ARL9: variants seen among roughly 807,000 people sequenced by gnomAD.
The protein encoded by ARL9 is ARF like GTPase 9.
ARL9 carries 14 observed loss-of-function variants against 27.0 expected under a neutral mutation model. That is an observed-to-expected ratio of 0.52 (90% CI 0.34 to 0.81). The LOEUF (loss-of-function observed/expected upper bound fraction) is 0.81. Ranked by LOEUF, ARL9 falls within the 30% of genes least tolerant of loss-of-function variation. The pLI is 0.01. For synonymous variants in ARL9, 106 were observed against 108.7 expected (o/e 0.98, Z 0.15); for missense variants, 294 against 290.0 (o/e 1.01, Z -0.10).
chr4:56,505,792 CA>C lies in ARL9; in HGVS notation c.-70del. 1 of 1,335,506 alleles carries C rather than the reference CA, an allele frequency of 7.5e-7. No homozygotes were observed. Among genetic ancestry groups the C allele is most frequent in the Non-Finnish European group, 9.6e-7 (1 of 1,047,008 alleles). The allele number at this position is 1,335,506 out of a possible 1,614,324, so 82.7% of individuals were successfully genotyped here. A position where few individuals can be genotyped will look rare whatever the true frequency, so the allele number is the denominator to read the frequency against. ...TGTCGGGCGTGCACCTCGGGAGCCACACCTGGGGCCCAGAGCCACCGCTCAG... is the reference window on the plus strand; with the variant it reads ...TGTCGGGCGTGCACCTCGGGAGCCACCCTGGGGCCCAGAGCCACCGCTCAG... On this transcript the variant is annotated 5_prime_UTR_variant, in exon 1 of 4. Coordinates refer to ENST00000640821, the MANE Select transcript of ARL9 (RefSeq NM_001363794.2).
chr4:56,521,966 C>G (rs886119252), intron 3 of ARL9, among the ~76,000 whole-genome samples: 1 of 151,710 alleles, frequency 6.6e-6, no homozygotes, highest in Non-Finnish European at 1.5e-5. Flanking sequence ...CTTCCCTCCC[C>G]TCCACTCCTC....
chr4:56,516,990 T>C lies in ARL9; in HGVS notation c.443-1688T>C, dbSNP rs1447252868. On this transcript the variant is annotated intron_variant, in intron 2 of 3. Transcript: ENST00000640821. ...GATGTAGAGGAAACTTACTGGCTAT[T>C]AGCTGTTGGCAGAGTGTGTATTGGT... 2.0e-5 allele frequency among the ~76,000 whole-genome samples: 3 copies of C among 152,210 alleles called. No homozygotes were observed. The East Asian group carries it at 5.8e-4, about 29-fold the overall frequency.
chr4:56,524,028 T>TC lies in ARL9; in HGVS notation c.*152_*153insC. ...GTATATAGTTAGCCCTCCATATCCA[T>TC]GGGTTCCACATCTGGGGATTCAAGA... On this transcript the variant is annotated 3_prime_UTR_variant, in exon 4 of 4. Coordinates refer to ENST00000640821, the MANE Select transcript of ARL9 (RefSeq NM_001363794.2). 1 of 590,706 alleles carries TC rather than the reference T, an allele frequency of 1.7e-6. No individual in the cohort carries two copies. The highest frequency in any genetic ancestry group is 4.9e-4 in the Middle Eastern group (1 of 2,044). The allele number at this position is 590,706 out of a possible 1,614,324, so 36.6% of individuals were successfully genotyped here. A position where few individuals can be genotyped will look rare whatever the true frequency, so the allele number is the denominator to read the frequency against.
At chr4:56,516,462 A>G (rs1223932799) in intron 2 of ARL9, among the ~76,000 whole-genome samples, 1 of 152,078 alleles carries the variant, frequency 6.6e-6, no homozygotes, top group African/African-American at 2.4e-5. Flanking sequence ...ATATATAAAG[A>G]ACTCCTACAA....
At chr4:56,516,698 A>G (rs192662758) in intron 2 of ARL9, among the ~76,000 whole-genome samples, 90 of 152,286 alleles carry the variant, frequency 5.9e-4, no homozygotes, top group African/African-American at 2.1e-3. Flanking sequence ...TGGGAAGCCA[A>G]GGTGGGTGGA....
rs1272269311 is a variant in ARL9 at position 56,524,221 on chromosome 4, G to A, written c.*345G>A. On this transcript the variant is annotated 3_prime_UTR_variant, in exon 4 of 4. Transcript: ENST00000640821. ...TGATTTAAAATACACGAGTAGAAGT[G>A]TGTAGGTTATATGTAAATATGCCAT... 1 of 177,766 alleles carries A rather than the reference G, an allele frequency of 5.6e-6. No individual in the cohort carries two copies. The highest frequency in any genetic ancestry group is 2.4e-5 in the African/African-American group (1 of 42,452). 11.0% of individuals were successfully genotyped at this position (177,766 alleles called of 1,614,324 possible). A position where few individuals can be genotyped will look rare whatever the true frequency, so the allele number is the denominator to read the frequency against.
At chr4:56,521,159 C>T (rs931985210) in intron 3 of ARL9, among the ~76,000 whole-genome samples, 2 of 150,498 alleles carry the variant, frequency 1.3e-5, no homozygotes, top group Non-Finnish European at 2.9e-5. Flanking sequence ...TGCAGTGAGC[C>T]GAGGTCGTGC....
intron 3 of ARL9, among the ~76,000 whole-genome samples, chr4:56,520,234 C>T (rs1426249417): frequency 6.6e-6 from 1 of 152,170 alleles, no homozygotes; most frequent in Non-Finnish European, 1.5e-5. Context: ...AACTTTTGGC[C>T]TCAAGTGATC....
At position 56,511,320 on chromosome 4, in the gene ARL9, G is replaced by A. The variant is rs1216612231; in HGVS notation, c.415G>A (p.Glu139Lys). ...TTTCCATGCAGTTTGCATCAACACT[G>A]AAGACAGCCAGATGGAGTTCCTGGA... ...QGFHAVCINT[E>K]DSQMEFLEIG... Residue 139 changes from glutamate (E) to lysine (K), a missense_variant, in exon 2 of 4, where the codon GAA becomes AAA. Transcript: ENST00000640821. The A allele has an allele frequency of 3.1e-6, 5 of 1,613,484 alleles. No homozygotes were observed. In the Admixed American group the frequency reaches 8.3e-5, roughly 27 times the overall value.
Position 56,523,913 on chromosome 4 carries a change from T to G in ARL9, c.*37T>G. 1 of 1,563,298 alleles carries G rather than the reference T, an allele frequency of 6.4e-7. No individual in the cohort carries two copies. Among genetic ancestry groups the G allele is most frequent in the African/African-American group, 1.4e-5 (1 of 73,378 alleles). ...CCCACTGTGCGGCTCACGACTGAGA[T>G]GTCATCAGTGTTGAATGGCAGGCTT... On this transcript the variant is annotated 3_prime_UTR_variant, in exon 4 of 4. Coordinates refer to ENST00000640821, the MANE Select transcript of ARL9 (RefSeq NM_001363794.2).
intron 1 of ARL9, among the ~76,000 whole-genome samples, chr4:56,509,022 C>G (rs973895699): frequency 6.6e-6 from 1 of 152,064 alleles, no homozygotes; most frequent in Non-Finnish European, 1.5e-5. Flanking sequence ...TTCCTATGAG[C>G]AGTCTGGCTA....
At chr4:56,518,621 G>C (rs1721829150) in intron 2 of ARL9, 57 bp from the exon 3 acceptor site, 1 of 1,500,138 alleles carries the variant, frequency 6.7e-7, no homozygotes, top group Admixed American at 1.8e-5. Flanking sequence ...TGCTCCCTGG[G>C]TGGGTGCTTC....
chr4:56,507,586 A>AT (rs539224683), intron 1 of ARL9, among the ~76,000 whole-genome samples: 191 of 149,094 alleles, frequency 1.3e-3, no homozygotes, highest in Non-Finnish European at 1.7e-3. Flanking sequence ...AAGTGCTGGG[A>AT]TTACAGGCAT....
At position 56,518,770 on chromosome 4, in the gene ARL9, C is replaced by G. The variant is rs200994703; in HGVS notation, c.535C>G (p.Arg179Gly). 30 of 1,613,878 alleles carry G rather than the reference C, an allele frequency of 1.9e-5. No individual in the cohort carries two copies. The highest frequency in any genetic ancestry group is 2.5e-5 in the Non-Finnish European group (30 of 1,179,852). The change falls in exon 3 of 4, where the codon CGA (arginine) becomes GGA (glycine). Residue 179 changes from arginine to glycine, a missense_variant. Arg to Gly is a moderately radical substitution (Grantham distance 125). Coordinates refer to ENST00000640821, the MANE Select transcript of ARL9 (RefSeq NM_001363794.2). The stretch of plus-strand genomic sequence containing the variant: ...TGTGGTGGATTCAGCAGATCACAGC[C>G]GATTACCTGAAGCCAAGAAATACCT... ...IFVVDSADHS[R>G]LPEAKKYLHQ...
intron 3 of ARL9, among the ~76,000 whole-genome samples, chr4:56,520,077 A>T (rs1047791701): frequency 6.6e-6 from 1 of 152,006 alleles, no homozygotes; most frequent in African/African-American, 2.4e-5. Context: ...ATTTCGGCTA[A>T]CCACAACCTC....
At chr4:56,509,866 C>T (rs1353173787) in intron 1 of ARL9, among the ~76,000 whole-genome samples, 2 of 151,860 alleles carry the variant, frequency 1.3e-5, no homozygotes, top group Non-Finnish European at 2.9e-5. Flanking sequence ...TGCCACCACG[C>T]CTGGCTAATT....
In ARL9 at chr4:56,511,223, A is replaced by G. The variant is rs761721570; in HGVS notation, c.318A>G (p.Gly106=). 2.7e-5 allele frequency: 44 copies of G among 1,611,262 alleles called. No individual in the cohort carries two copies. In the South Asian group the frequency reaches 4.1e-4, roughly 15 times the overall value. ...NKQILVLGLD[G]AGKTSVLHSL... ...AAATCCTAGTGCTGGGCCTGGATGGAGCAGGAAAAACCAGTGTCCTGCACT... is the reference window on the plus strand; with the variant it reads ...AAATCCTAGTGCTGGGCCTGGATGGGGCAGGAAAAACCAGTGTCCTGCACT... The change falls in exon 2 of 4, where the codon GGA becomes GGG. Residue 106 remains glycine, a synonymous_variant. Coordinates refer to ENST00000640821, the MANE Select transcript of ARL9 (RefSeq NM_001363794.2).
Position 56,505,921 on chromosome 4 carries a change from T to A in ARL9, c.59T>A (p.Ile20Asn). 1 of 1,239,280 alleles carries A rather than the reference T, an allele frequency of 8.1e-7. No homozygotes were observed. Among genetic ancestry groups the A allele is most frequent in the Admixed American group, 4.0e-5 (1 of 25,294 alleles). The allele number at this position is 1,239,280 out of a possible 1,614,324, so 76.8% of individuals were successfully genotyped here. The change falls in exon 1 of 4, where the codon ATC (isoleucine) becomes AAC (asparagine). Residue 20 changes from isoleucine to asparagine, a missense_variant. By Grantham distance (149) the Ile-to-Asn change is moderately radical. Transcript: ENST00000640821. The stretch of plus-strand genomic sequence containing the variant: ...GAAAAGGAGACGCAGGAGGAGAAAA[T>A]CGGAGAAAAGGGTAGGGAAGAGAAA... ...EKEKETQEEKIGEKGREEKVK... is the reference protein window; with the variant it reads ...EKEKETQEEKNGEKGREEKVK...
chr4:56,505,315 AC>A, upstream of ARL9: 1 of 446,160 alleles, frequency 2.2e-6, no homozygotes, highest in South Asian at 1.6e-5. Context: ...GAAATACATG[AC>A]ATGAGCAGTA....
Sources: allele counts gnomAD v4.1 joint callset (sites outside exome capture counted in the v4.1 genomes callset), GRCh38; gene constraint gnomAD v4.1.1; transcripts MANE v1.5; gene names NCBI Gene and HGNC (gene_info 2026-07-23, HGNC 2026-07-21).